ABCD3: variants seen among roughly 807,000 people sequenced by gnomAD.
ABCD3 encodes the protein ATP-binding cassette sub-family D member 3.
Under a neutral mutation model 105.5 loss-of-function variants are expected in ABCD3, and 41 were observed. The observed-to-expected ratio is 0.39, with a 90% CI of 0.30 to 0.50. The LOEUF is 0.50. ABCD3 is among the 20% of genes least tolerant of loss of function. ABCD3 has a pLI of 0.84. For synonymous variants in ABCD3, 258 were observed against 269.0 expected (o/e 0.96, Z 0.40); for missense variants, 622 against 806.3 (o/e 0.77, Z 2.77).
chr1:94,407,327 T>C, the ABCD3 span, among the ~76,000 whole-genome samples: 1 of 152,186 alleles, frequency 6.6e-6, no homozygotes, highest in Admixed American at 6.5e-5. Context: ...ATTTTGTATT[T>C]TTAGTAGAGA....
At chr1:94,463,102 T>C (rs892118800) in intron 2 of ABCD3, among the ~76,000 whole-genome samples, 2 of 152,154 alleles carry the variant, frequency 1.3e-5, no homozygotes, top group African/African-American at 4.8e-5. Context: ...TAGTTGTTTG[T>C]TGAATGAATG....
At chr1:94,502,690 G>A (rs946809790) in intron 20 of ABCD3, among the ~76,000 whole-genome samples, 1 of 151,872 alleles carries the variant, frequency 6.6e-6, no homozygotes, top group African/African-American at 2.4e-5. Flanking sequence ...TGTAGAGATG[G>A]GGTTTCACCA....
intron 1 of ABCD3, among the ~76,000 whole-genome samples, chr1:94,429,959 G>C (rs7523712): frequency 1.3e-5 from 2 of 152,228 alleles, no homozygotes; most frequent in Non-Finnish European, 1.5e-5. Flanking sequence ...ATGCCAGCCC[G>C]TGAAAGCAGC....
chr1:94,486,131 G>A (rs1649268503), intron 10 of ABCD3, among the ~76,000 whole-genome samples: 1 of 152,150 alleles, frequency 6.6e-6, no homozygotes, highest in Admixed American at 6.5e-5. Flanking sequence ...GGCGGAGGTT[G>A]CATTGAGCCA....
At chr1:94,432,695 G>T (rs2100891337) in intron 1 of ABCD3, 1 of 152,234 alleles carries the variant, frequency 6.6e-6, no homozygotes, top group South Asian at 2.1e-4. Context: ...TCTTTCAAAT[G>T]AATTTAGATT....
chr1:94,506,913 A>T (rs1176012667), intron 21 of ABCD3, among the ~76,000 whole-genome samples: 1 of 151,912 alleles, frequency 6.6e-6, no homozygotes, highest in Non-Finnish European at 1.5e-5. Flanking sequence ...AATGAGATAC[A>T]AAAGATATCT....
At chr1:94,389,997 G>A in the ABCD3 span, among the ~76,000 whole-genome samples, 1 of 152,188 alleles carries the variant, frequency 6.6e-6, no homozygotes, top group Non-Finnish European at 1.5e-5. Flanking sequence ...AAAACCTGGG[G>A]TAAAATGGCA....
chr1:94,458,608 A>G lies in ABCD3; in HGVS notation c.112A>G (p.Lys38Glu). 2 of 1,612,558 alleles carry G rather than the reference A, an allele frequency of 1.2e-6. No homozygotes were observed. The highest frequency in any genetic ancestry group is 1.1e-5 in the South Asian group (1 of 90,984). The change falls in exon 2 of 23, where the codon AAG becomes GAG. Residue 38 changes from lysine to glutamate, a missense_variant and splice_region_variant. Physicochemically the swap from Lys to Glu is moderately conservative, Grantham distance 56. Transcript: ENST00000370214. Reference protein sequence around the residue: ...KRRRALGLHGKKSGKPPLQNN... With the variant: ...KRRRALGLHGEKSGKPPLQNN... Reference sequence around the variant, plus strand: ...TCTCTCTCTTTTTTTCCTCTGCAGTAAGAAAAGTGGAAAACCACCATTACA... The same window carrying G: ...TCTCTCTCTTTTTTTCCTCTGCAGTGAGAAAAGTGGAAAACCACCATTACA...
At chr1:94,503,768 A>C (rs1001504203) in intron 20 of ABCD3, among the ~76,000 whole-genome samples, 1 of 150,250 alleles carries the variant, frequency 6.7e-6, no homozygotes, top group Admixed American at 6.6e-5. Flanking sequence ...TGTCAAGTAC[A>C]TGGTAGTGAT....
At chr1:94,405,584 A>G in the ABCD3 span, among the ~76,000 whole-genome samples, 1 of 152,208 alleles carries the variant, frequency 6.6e-6, no homozygotes, top group Non-Finnish European at 1.5e-5. Context: ...GATTACAGGC[A>G]TGAGACACCG....
chr1:94,422,769 A>G (rs1050176928), intron 1 of ABCD3, among the ~76,000 whole-genome samples: 1 of 152,210 alleles, frequency 6.6e-6, no homozygotes, highest in Non-Finnish European at 1.5e-5. Flanking sequence ...TTGCAGAAGT[A>G]ATAGTTGTGT....
At chr1:94,512,745 C>T (rs1650744115) in intron 21 of ABCD3, among the ~76,000 whole-genome samples, 1 of 151,922 alleles carries the variant, frequency 6.6e-6, no homozygotes, top group South Asian at 2.1e-4. Flanking sequence ...AGTTTTCTTT[C>T]TTTGAGAAAT....
At chr1:94,450,465 G>A (rs1364000497) in intron 1 of ABCD3, among the ~76,000 whole-genome samples, 1 of 152,254 alleles carries the variant, frequency 6.6e-6, no homozygotes, top group Non-Finnish European at 1.5e-5. Context: ...CCCACCCAGG[G>A]CGGAAAACCG....
At chr1:94,489,678 A>C (rs1171985180) in intron 13 of ABCD3, 47 bp from the exon 14 acceptor site, 1 of 1,313,338 alleles carries the variant, frequency 7.6e-7, no homozygotes, top group East Asian at 2.4e-5. Context: ...AAAAGATGTG[A>C]CAATAGTCTG....
At position 94,489,991 on chromosome 1, in the gene ABCD3, G is replaced by A. The variant is rs1649455283; in HGVS notation, c.1322+16G>A. The A allele has an allele frequency of 6.2e-7, 1 of 1,606,344 alleles. No homozygotes were observed. Among genetic ancestry groups the A allele is most frequent in the Non-Finnish European group, 8.5e-7 (1 of 1,173,456 alleles). ...ACATTATAAAGTACGTACAGAAAAA[G>A]GTCTTTTAGCACCATAAATGTTTGT... is the stretch of plus-strand genomic sequence containing the variant. On this transcript the variant is annotated intron_variant, in intron 15 of 22. Coordinates refer to ENST00000370214, the MANE Select transcript of ABCD3 (RefSeq NM_002858.4).
intron 4 of ABCD3, among the ~76,000 whole-genome samples, chr1:94,470,932 A>G (rs918125485): frequency 6.6e-6 from 1 of 151,988 alleles, no homozygotes; most frequent in Admixed American, 6.6e-5. Context: ...TAAGTTTTTA[A>G]TGTGTTTTTA....
At chr1:94,444,425 A>C (rs1374742470) in intron 1 of ABCD3, among the ~76,000 whole-genome samples, 1 of 151,686 alleles carries the variant, frequency 6.6e-6, no homozygotes, top group Non-Finnish European at 1.5e-5. Context: ...TTGGCCTCCT[A>C]AAGTGCTGTG....
At chr1:94,397,003 ATTTATGCTAG>A in the ABCD3 span, among the ~76,000 whole-genome samples, 2 of 152,178 alleles carry the variant, frequency 1.3e-5, no homozygotes, top group Non-Finnish European at 2.9e-5. Flanking sequence ...GGATTTGTCT[ATTTATGCTAG>A]TTTCTTACTT....
the ABCD3 span, among the ~76,000 whole-genome samples, chr1:94,395,831 A>G: frequency 0.66 from 100,561 of 151,714 alleles, 33,626 homozygotes; most frequent in Middle Eastern, 0.82. Context: ...GTGTGTGTGC[A>G]CGCGTGTGAG....
Sources: gnomAD v4.1 joint callset for allele counts (sites outside exome capture counted in the v4.1 genomes callset) on GRCh38, gnomAD v4.1.1 for gene constraint, MANE v1.5 for transcripts, NCBI Gene and HGNC (gene_info 2026-07-23, HGNC 2026-07-21) for gene names.